Variants in SYT2 observed in about 807,000 individuals in gnomAD.
SYT2 encodes the protein synaptotagmin 2.
In SYT2, 15 loss-of-function variants were observed where a neutral mutation model predicts 39.9. The observed-to-expected ratio is 0.38, with a 90% CI of 0.25 to 0.58. The LOEUF (loss-of-function observed/expected upper bound fraction) is 0.58. Among genes scored for constraint, SYT2 ranks in the 20% least tolerant of loss-of-function variants. The probability of loss-of-function intolerance (pLI) is 0.70; values close to 1 mark genes in which losing one functional copy is unlikely to be tolerated. For missense variants in SYT2, 389 were observed against 530.3 expected, an observed-to-expected ratio of 0.73 and a Z score of 2.62; for synonymous variants, 181 against 204.5, an observed-to-expected ratio of 0.89 and a Z score of 0.98.
chr1:202,597,047 C>G, intron 8 of SYT2, 84 bp from the exon 9 acceptor site: 2 of 1,255,654 alleles, frequency 1.6e-6, no homozygotes, highest in African/African-American at 1.5e-5. Context: ...CCTCTACTCC[C>G]AATGATTGGG....
intron 1 of SYT2, among the ~76,000 whole-genome samples, chr1:202,683,635 G>A (rs1339730068): frequency 1.3e-5 from 2 of 151,968 alleles, no homozygotes; most frequent in Admixed American, 6.6e-5. Context: ...CAGCTACTTG[G>A]GAGGCTGAGG....
At chr1:202,617,238 G>C (rs988750254) in intron 1 of SYT2, among the ~76,000 whole-genome samples, 7 of 152,176 alleles carry the variant, frequency 4.6e-5, no homozygotes, top group Admixed American at 2.0e-4. Context: ...CTGTGTCCCT[G>C]CCCAAATCTC....
chr1:202,598,297 GGAA>G (rs1178741810), intron 8 of SYT2, among the ~76,000 whole-genome samples: 16 of 152,192 alleles, frequency 1.1e-4, no homozygotes, highest in Admixed American at 2.0e-4. Context: ...GGAAGAGGTA[GGAA>G]GAAGAACATT....
chr1:202,646,196 C>A lies in SYT2; in HGVS notation c.-17-40407G>T, dbSNP rs1428983653. Among the ~76,000 whole-genome samples the A allele has an allele frequency of 4.6e-5, 7 of 152,348 alleles. No individual in the cohort carries two copies. In the South Asian group the frequency reaches 1.4e-3, roughly 32 times the overall value. On this transcript the variant is annotated intron_variant, in intron 1 of 8. Coordinates refer to ENST00000367268, the MANE Select transcript of SYT2 (RefSeq NM_177402.5). ...CCTTTCAGGCTTCATGCACCAGCAT[C>A]TCTAGATGCAGCCCTTACCCACCTT...
intron 1 of SYT2, among the ~76,000 whole-genome samples, chr1:202,609,147 G>C (rs1206987145): frequency 2.0e-5 from 3 of 150,358 alleles, no homozygotes; most frequent in African/African-American, 7.4e-5. Flanking sequence ...TTGTCCTTGC[G>C]ATAGTTTGCT....
chr1:202,616,104 C>T (rs2149079665), intron 1 of SYT2, among the ~76,000 whole-genome samples: 1 of 152,318 alleles, frequency 6.6e-6, no homozygotes, highest in African/African-American at 2.4e-5. Flanking sequence ...GAAACGCCTC[C>T]CCACCAGCTT....
intron 3 of SYT2, among the ~76,000 whole-genome samples, chr1:202,603,654 AG>A (rs1263568619): frequency 6.6e-6 from 1 of 152,188 alleles, no homozygotes; most frequent in East Asian, 1.9e-4. Flanking sequence ...CCTCAAGACC[AG>A]GAAGGGCTAC....
chr1:202,657,237 C>A (rs191995523), intron 1 of SYT2, among the ~76,000 whole-genome samples: 1 of 152,338 alleles, frequency 6.6e-6, no homozygotes, highest in East Asian at 1.9e-4. Flanking sequence ...CACAGCCAGT[C>A]CAAGCACACC....
chr1:202,670,131 G>C (rs1295403139), intron 1 of SYT2, among the ~76,000 whole-genome samples: 2 of 152,140 alleles, frequency 1.3e-5, no homozygotes, highest in African/African-American at 4.8e-5. Context: ...ATCAGCCAGG[G>C]GTCCTAAGAG....
chr1:202,671,376 G>T (rs899403249), intron 1 of SYT2, among the ~76,000 whole-genome samples: 2 of 152,230 alleles, frequency 1.3e-5, no homozygotes, highest in Non-Finnish European at 2.9e-5. Flanking sequence ...GGGCCAAGGC[G>T]GAGAGACCCA....
chr1:202,599,542 G>A lies in SYT2; in HGVS notation c.920-191C>T, dbSNP rs1690423116. ...AAAGGCTTCACCTCCAGGACCAACTGTGACCAGTTGGTTGTGGCTTCCTGA... is the reference window on the plus strand; with the variant it reads ...AAAGGCTTCACCTCCAGGACCAACTATGACCAGTTGGTTGTGGCTTCCTGA... On this transcript the variant is annotated intron_variant, in intron 7 of 8. Coordinates refer to ENST00000367268, the MANE Select transcript of SYT2 (RefSeq NM_177402.5). This position sits in a 1 kb window ranked among gnomAD's most constrained non-coding sequence, Gnocchi z 4.4. Among the ~76,000 whole-genome samples the A allele has an allele frequency of 6.6e-6, 1 of 152,152 alleles. No individual in the cohort carries two copies. Among genetic ancestry groups the A allele is most frequent in the Admixed American group, 6.5e-5 (1 of 15,280 alleles).
At chr1:202,681,046 T>A (rs897424389) in intron 1 of SYT2, among the ~76,000 whole-genome samples, 33 of 152,124 alleles carry the variant, frequency 2.2e-4, no homozygotes, top group South Asian at 4.1e-4. Context: ...GTCCAGCTAA[T>A]GCCTCAGTGA....
chr1:202,619,544 G>A (rs1302960311), intron 1 of SYT2, among the ~76,000 whole-genome samples: 1 of 152,220 alleles, frequency 6.6e-6, no homozygotes, highest in Admixed American at 6.5e-5. Context: ...TTAAAATGCA[G>A]ACCCTCTGCC....
intron 1 of SYT2, among the ~76,000 whole-genome samples, chr1:202,620,687 T>C (rs948628663): frequency 1.3e-5 from 2 of 152,006 alleles, no homozygotes; most frequent in South Asian, 4.2e-4. Flanking sequence ...TGCCCAGATA[T>C]GCTCAGAGCT....
At chr1:202,650,949 T>C (rs1572658332) in intron 1 of SYT2, among the ~76,000 whole-genome samples, 1 of 150,726 alleles carries the variant, frequency 6.6e-6, no homozygotes, top group East Asian at 2.0e-4. Flanking sequence ...ACGCTGGGCA[T>C]GCCGCCTGGA....
chr1:202,604,725 A>G, intron 2 of SYT2, 104 bp from the exon 3 acceptor site: 3 of 1,117,300 alleles, frequency 2.7e-6, no homozygotes, highest in Non-Finnish European at 3.8e-6. Context: ...GCCATCCCAC[A>G]ATGCCCACAC....
intron 1 of SYT2, among the ~76,000 whole-genome samples, chr1:202,670,327 A>G (rs1692564575): frequency 6.6e-6 from 1 of 152,196 alleles, no homozygotes. Context: ...GCAGGATCAT[A>G]GAGAAGTGGG....
Position 202,614,671 on chromosome 1 carries a change from G to T in SYT2, c.-17-8882C>A, listed in dbSNP as rs1211660445. 6.6e-6 allele frequency among the ~76,000 whole-genome samples: 1 copy of T among 152,236 alleles called. No homozygotes were observed. The highest frequency in any genetic ancestry group is 1.9e-4 in the East Asian group (1 of 5,202). On this transcript the variant is annotated intron_variant, in intron 1 of 8. Transcript: ENST00000367268. The surrounding 1 kb of genome is among the most constrained non-coding windows in gnomAD (Gnocchi z 4.0). ...AAAAGTGCTTTCTTGAAAAATTGAT[G>T]ATTGAACTGAGACCTGAAGGGTGAG...
chr1:202,684,346 C>CT (rs67646766), intron 1 of SYT2, among the ~76,000 whole-genome samples: 45,947 of 147,298 alleles, frequency 0.31, 7,109 homozygotes, highest in South Asian at 0.42. Context: ...ATTTATTCAG[C>CT]TTTTTTTTTT....
Sources: allele counts gnomAD v4.1 joint callset (sites outside exome capture counted in the v4.1 genomes callset), GRCh38; gene constraint gnomAD v4.1.1; non-coding constraint Gnocchi (gnomAD v3.1); transcripts MANE v1.5; gene names NCBI Gene and HGNC (gene_info 2026-07-23, HGNC 2026-07-21).